Variants in CDC42BPA observed in about 807,000 individuals in gnomAD.
CDC42BPA encodes the protein serine/threonine-protein kinase MRCK alpha.
Under a neutral mutation model 223.5 loss-of-function variants are expected in CDC42BPA, and 80 were observed. The ratio of observed to expected loss-of-function variants is 0.36; its 90% CI spans 0.30 to 0.43. The LOEUF (loss-of-function observed/expected upper bound fraction) is 0.43. Ranked by LOEUF, CDC42BPA falls within the 20% of genes least tolerant of loss-of-function variation. CDC42BPA has a pLI of 1.00. For synonymous variants in CDC42BPA, 694 were observed against 718.6 expected, an observed-to-expected ratio of 0.97 and a Z score of 0.55; for missense variants, 1,743 against 2,099.9, an observed-to-expected ratio of 0.83 and a Z score of 3.32.
chr1:227,112,959 G>C (rs779515373), intron 12 of CDC42BPA, 46 bp from the exon 13 acceptor site: 5 of 1,593,912 alleles, frequency 3.1e-6, no homozygotes, highest in Non-Finnish European at 3.4e-6. Context: ...CTGCAACCTA[G>C]AGACCAAATT....
intron 20 of CDC42BPA, among the ~76,000 whole-genome samples, chr1:227,071,725 C>G (rs956132776): frequency 6.6e-5 from 5 of 75,768 alleles, no homozygotes; most frequent in Middle Eastern, 0.017. Flanking sequence ...CCCCCCCCCC[C>G]CCAATTTTTA....
chr1:227,130,974 T>C (rs1164427602), intron 10 of CDC42BPA, among the ~76,000 whole-genome samples: 1 of 152,228 alleles, frequency 6.6e-6, no homozygotes, highest in Non-Finnish European at 1.5e-5. Context: ...TCGCTCATTA[T>C]TGCCACCTCT....
At chr1:227,144,451 T>C (rs1660295794) in intron 8 of CDC42BPA, among the ~76,000 whole-genome samples, 1 of 151,598 alleles carries the variant, frequency 6.6e-6, no homozygotes, top group Non-Finnish European at 1.5e-5. Flanking sequence ...GGCGCACGCC[T>C]ACAGTTCCAG....
At chr1:227,235,271 G>C (rs530197438) in intron 2 of CDC42BPA, 2 of 152,062 alleles carry the variant, frequency 1.3e-5, no homozygotes, top group East Asian at 1.9e-4. Flanking sequence ...TGCCTTCTTC[G>C]AATTCTCTCA....
At chr1:227,027,589 AAC>A (rs1469376844) in intron 30 of CDC42BPA, among the ~76,000 whole-genome samples, 2 of 152,140 alleles carry the variant, frequency 1.3e-5, no homozygotes, top group African/African-American at 4.8e-5. Context: ...TTAAAAACAA[AAC>A]AGTTTGGATG....
intron 19 of CDC42BPA, 26 bp from the exon 20 acceptor site, chr1:227,072,325 A>G: frequency 2.9e-6 from 4 of 1,369,668 alleles, no homozygotes; most frequent in Non-Finnish European, 4.2e-6. Flanking sequence ...AAAAGGAAAA[A>G]TGTCATTAAT....
intron 5 of CDC42BPA, among the ~76,000 whole-genome samples, chr1:227,184,508 C>T (rs573883551): frequency 2.0e-5 from 3 of 152,102 alleles, no homozygotes; most frequent in African/African-American, 7.2e-5. Flanking sequence ...TTGCTAATGT[C>T]GTCCAATGAT....
intron 1 of CDC42BPA, among the ~76,000 whole-genome samples, chr1:227,270,596 A>G (rs1028998936): frequency 6.6e-6 from 1 of 152,222 alleles, no homozygotes; most frequent in Non-Finnish European, 1.5e-5. Context: ...ATAACATAAA[A>G]TATGCCATTT....
At chr1:227,148,761 G>A (rs1487134146) in intron 6 of CDC42BPA, among the ~76,000 whole-genome samples, 1 of 63,458 alleles carries the variant, frequency 1.6e-5, no homozygotes, top group Non-Finnish European at 3.0e-5. Flanking sequence ...AGCAAGACTC[G>A]GTCTCAAAAG....
At chr1:227,049,419 T>TA (rs1339579480) in intron 22 of CDC42BPA, among the ~76,000 whole-genome samples, 1 of 152,068 alleles carries the variant, frequency 6.6e-6, no homozygotes, top group African/African-American at 2.4e-5. Context: ...TATTGAAGGA[T>TA]ATAAGAGAAT....
At chr1:227,204,981 G>A (rs1445374068) in intron 3 of CDC42BPA, among the ~76,000 whole-genome samples, 5 of 151,930 alleles carry the variant, frequency 3.3e-5, no homozygotes, top group Non-Finnish European at 5.9e-5. Flanking sequence ...CATTCAGGCC[G>A]GGCACAGTGG....
At chr1:227,292,748 C>A (rs1689906987) in intron 1 of CDC42BPA, among the ~76,000 whole-genome samples, 1 of 152,178 alleles carries the variant, frequency 6.6e-6, no homozygotes, top group South Asian at 2.1e-4. Flanking sequence ...CACCTACCTT[C>A]CACAACTATA....
intron 1 of CDC42BPA, among the ~76,000 whole-genome samples, chr1:227,276,603 A>C (rs547190811): frequency 1.2e-4 from 19 of 152,340 alleles, no homozygotes; most frequent in African/African-American, 4.6e-4. Context: ...AGAGCGGGCC[A>C]TGATGACGAT....
chr1:227,224,230 TCTTC>T (rs759549291), intron 2 of CDC42BPA, among the ~76,000 whole-genome samples: 16 of 144,010 alleles, frequency 1.1e-4, no homozygotes, highest in Non-Finnish European at 2.3e-4. Flanking sequence ...AAGTGATGTT[TCTTC>T]CTTTTTTTTT....
chr1:227,129,702 C>CATATATATATATGTATATAT (rs1656642141), intron 10 of CDC42BPA, among the ~76,000 whole-genome samples: 1 of 70,918 alleles, frequency 1.4e-5, no homozygotes, highest in Admixed American at 1.5e-4. Flanking sequence ...AAATCCACTG[C>CATATATATATATGTATATAT]ATATATATAT....
At chr1:227,288,205 A>G (rs1306656993) in intron 1 of CDC42BPA, among the ~76,000 whole-genome samples, 4 of 152,042 alleles carry the variant, frequency 2.6e-5, no homozygotes, top group African/African-American at 9.7e-5. Flanking sequence ...ATTATTTCCC[A>G]ATATCCTCAG....
At chr1:227,189,097 C>A (rs555433126) in intron 5 of CDC42BPA, among the ~76,000 whole-genome samples, 1 of 152,172 alleles carries the variant, frequency 6.6e-6, no homozygotes, top group African/African-American at 2.4e-5. Flanking sequence ...CATTCCTATC[C>A]CTGTCCATCC....
chr1:227,158,806 T>C lies in CDC42BPA; in HGVS notation c.693+1737A>G, dbSNP rs376974736. ...GCTATTGTCAAGCCTCATATGGTCT[T>C]GTGGTACAATGCACAGCCCAACCTT... On this transcript the variant is annotated intron_variant, in intron 6 of 36. Transcript: ENST00000366766. Among the ~76,000 whole-genome samples the C allele has an allele frequency of 1.6e-3, 250 of 152,310 alleles. 1 individual carries two copies. Among genetic ancestry groups the C allele is most frequent in the African/African-American group, 5.5e-3 (230 of 41,568 alleles).
intron 21 of CDC42BPA, among the ~76,000 whole-genome samples, chr1:227,067,192 T>C (rs964280587): frequency 6.6e-6 from 1 of 152,058 alleles, no homozygotes. Flanking sequence ...CACTGGGAAA[T>C]GGCTGCGGGG....
Sources: gnomAD v4.1 joint callset for allele counts (sites outside exome capture counted in the v4.1 genomes callset) on GRCh38, gnomAD v4.1.1 for gene constraint, MANE v1.5 for transcripts, NCBI Gene and HGNC (gene_info 2026-07-23, HGNC 2026-07-21) for gene names.